The following PDE9A variants were observed in gnomAD, a reference collection of about 807,000 sequenced individuals.
The protein encoded by PDE9A is phosphodiesterase 9A, also known as high affinity cGMP-specific 3',5'-cyclic phosphodiesterase 9A.
In PDE9A, 60 loss-of-function variants were observed where a neutral mutation model predicts 87.4. The observed-to-expected ratio is 0.69, with a 90% CI of 0.56 to 0.85. The LOEUF is 0.85. Among genes scored for constraint, PDE9A ranks in the 40% least tolerant of loss-of-function variants. PDE9A has a pLI of 0.00. For missense variants in PDE9A, 665 were observed against 779.0 expected, an observed-to-expected ratio of 0.85 and a Z score of 1.74; for synonymous variants, 272 against 279.4, an observed-to-expected ratio of 0.97 and a Z score of 0.27.
intron 4 of PDE9A, among the ~76,000 whole-genome samples, chr21:42,717,988 C>T (rs991429404): frequency 6.6e-6 from 1 of 151,492 alleles, no homozygotes; most frequent in Admixed American, 6.6e-5. Context: ...GGTGCGATCT[C>T]GGCTCACTGC....
In PDE9A at chr21:42,722,678, A is replaced by T. The variant is rs1455703995; in HGVS notation, c.263-9092A>T. ...GGGGAGAAAAGTACACATTCCCATC[A>T]GCTCAGGTGCGTGGAGGACGGAAGA... On this transcript the variant is annotated intron_variant, in intron 4 of 19. Transcript: ENST00000291539. The surrounding 1 kb of genome is among the most constrained non-coding windows in gnomAD (Gnocchi z 4.1). 6.6e-6 allele frequency among the ~76,000 whole-genome samples: 1 copy of T among 152,218 alleles called. No individual in the cohort carries two copies. The highest frequency in any genetic ancestry group is 1.5e-5 in the Non-Finnish European group (1 of 68,030).
intron 19 of PDE9A, among the ~76,000 whole-genome samples, chr21:42,773,920 C>G (rs550685981): frequency 2.0e-5 from 3 of 150,716 alleles, no homozygotes; most frequent in African/African-American, 4.9e-5. Flanking sequence ...CTGGCTAACA[C>G]GGTGAAACCC....
chr21:42,690,016 G>T, intron 3 of PDE9A: 3 of 985,382 alleles, frequency 3.0e-6, no homozygotes, highest in Non-Finnish European at 3.6e-6. Context: ...GAGGATACAG[G>T]TGAAGAAGGT....
At position 42,751,125 on chromosome 21, in the gene PDE9A, C is replaced by T; in HGVS notation, c.663C>T (p.Cys221=). The stretch of plus-strand genomic sequence containing the variant: ...TGCTCCTTCTCTCTAGGACCAACTG[C>T]CCCTGTAAGTACAGTTTTTTGGATA... The part of the protein sequence containing the change: ...ELAARSSRTN[C]PCKYSFLDNH... Residue 221 remains cysteine (C), a synonymous_variant, in exon 9 of 20, where the codon TGC becomes TGT. Coordinates refer to ENST00000291539, the MANE Select transcript of PDE9A (RefSeq NM_002606.3). 1 of 1,606,332 alleles carries T rather than the reference C, an allele frequency of 6.2e-7. No individual in the cohort carries two copies. The highest frequency in any genetic ancestry group is 1.1e-5 in the South Asian group (1 of 90,946).
Position 42,696,103 on chromosome 21 carries a change from G to T in PDE9A, c.219-2865G>T, listed in dbSNP as rs544007787. 2.6e-5 allele frequency among the ~76,000 whole-genome samples: 4 copies of T among 152,324 alleles called. No individual in the cohort carries two copies. In the South Asian group the frequency reaches 8.3e-4, roughly 32 times the overall value. On this transcript the variant is annotated intron_variant, in intron 3 of 19. Transcript: ENST00000291539. The surrounding 1 kb of genome is among the most constrained non-coding windows in gnomAD (Gnocchi z 5.1). ...CTCGGAGAGGCTGGCCTCTGAATTG[G>T]TTGAATGGGCTTGAAGGGGGCTGGA... is the stretch of plus-strand genomic sequence containing the variant.
chr21:42,714,314 G>A (rs548993641), intron 4 of PDE9A, among the ~76,000 whole-genome samples: 88 of 152,284 alleles, frequency 5.8e-4, no homozygotes, highest in Non-Finnish European at 1.1e-3. Context: ...ACCACGCCCA[G>A]CCCCAACTTT....
intron 10 of PDE9A, among the ~76,000 whole-genome samples, chr21:42,754,491 G>T (rs1259511376): frequency 1.3e-5 from 2 of 152,252 alleles, no homozygotes; most frequent in African/African-American, 4.8e-5. Flanking sequence ...GTCTGCAAAG[G>T]CAAGGCACAG....
At chr21:42,750,685 C>T (rs903049339) in intron 8 of PDE9A, among the ~76,000 whole-genome samples, 5 of 152,098 alleles carry the variant, frequency 3.3e-5, no homozygotes, top group Non-Finnish European at 5.9e-5. Context: ...AAGCGATTCT[C>T]CTGCCTTAGC....
intron 10 of PDE9A, chr21:42,756,936 G>T (rs1173508059): frequency 5.9e-5 from 9 of 152,406 alleles, no homozygotes; most frequent in Admixed American, 6.5e-5. Flanking sequence ...TCCCCTCTTG[G>T]CTTCACAGCA....
At chr21:42,687,864 T>C (rs374844923) in intron 2 of PDE9A, 53 bp from the exon 3 acceptor site, 98 of 1,470,632 alleles carry the variant, frequency 6.7e-5, no homozygotes, top group Admixed American at 8.4e-5. Flanking sequence ...CATTCAAGTG[T>C]ACATCCCAGA....
chr21:42,773,854 C>T (rs1387681418), intron 19 of PDE9A, among the ~76,000 whole-genome samples: 2 of 145,012 alleles, frequency 1.4e-5, no homozygotes, highest in Non-Finnish European at 1.5e-5. Flanking sequence ...CCTGTAGTCC[C>T]AGCACTTTGG....
At chr21:42,668,681 G>A (rs1444620993) in intron 1 of PDE9A, among the ~76,000 whole-genome samples, 1 of 152,214 alleles carries the variant, frequency 6.6e-6, no homozygotes, top group Non-Finnish European at 1.5e-5. Flanking sequence ...CAAGAGTGAT[G>A]AGCACAGCAG....
intron 7 of PDE9A, among the ~76,000 whole-genome samples, chr21:42,740,269 C>T (rs939256153): frequency 6.6e-6 from 1 of 151,906 alleles, no homozygotes; most frequent in Non-Finnish European, 1.5e-5. Flanking sequence ...CATGGCAAAA[C>T]CCCATCTCTA....
chr21:42,700,354 A>G (rs912171316), intron 4 of PDE9A, among the ~76,000 whole-genome samples: 2 of 150,992 alleles, frequency 1.3e-5, no homozygotes, highest in African/African-American at 5.0e-5. Context: ...ATATTTTTAT[A>G]TATTTCATTT....
chr21:42,730,774 G>A (rs745763175), intron 4 of PDE9A, among the ~76,000 whole-genome samples: 2 of 152,146 alleles, frequency 1.3e-5, no homozygotes, highest in Non-Finnish European at 2.9e-5. Context: ...TTGGGTGGGC[G>A]TGCAGGTTGT....
Position 42,769,791 on chromosome 21 carries a change from C to T in PDE9A, c.1590+636C>T, listed in dbSNP as rs554682663. Among the ~76,000 whole-genome samples, 13 of 152,278 alleles carry T rather than the reference C, an allele frequency of 8.5e-5. No individual in the cohort carries two copies. In the South Asian group the frequency reaches 2.5e-3, roughly 29 times the overall value. On this transcript the variant is annotated intron_variant, in intron 17 of 19. Transcript: ENST00000291539. Reference sequence around the variant, plus strand: ...GCACGCACACAGGTACACACAGGCACACCTGCACACCTGCACATCCTGAGC... The same window carrying T: ...GCACGCACACAGGTACACACAGGCATACCTGCACACCTGCACATCCTGAGC...
At chr21:42,658,940 A>G (rs2057290977) in intron 1 of PDE9A, among the ~76,000 whole-genome samples, 1 of 152,042 alleles carries the variant, frequency 6.6e-6, no homozygotes, top group Non-Finnish European at 1.5e-5. Context: ...TGCCAGCCTT[A>G]TTGCTGTCCT....
chr21:42,708,597 GA>G (rs2049031062), intron 4 of PDE9A, among the ~76,000 whole-genome samples: 1 of 152,042 alleles, frequency 6.6e-6, no homozygotes, highest in South Asian at 2.1e-4. Flanking sequence ...TCTTGTTGCC[GA>G]GGCTGGAGTG....
In PDE9A at chr21:42,769,286, TACAC is replaced by T. The variant is rs550636837; in HGVS notation, c.1590+135_1590+138del. ...ACACTCATGCACACACGTACACAGA[TACAC>T]ACAGACGCACATACAGGCACATACA... On this transcript the variant is annotated intron_variant, in intron 17 of 19. Coordinates refer to ENST00000291539, the MANE Select transcript of PDE9A (RefSeq NM_002606.3). 1.9e-4 allele frequency: 145 copies of T among 782,716 alleles called. 1 individual carries two copies. The highest frequency in any genetic ancestry group is 1.1e-3 in the African/African-American group (58 of 52,888). The allele number at this position is 782,716 out of a possible 1,614,324, so 48.5% of individuals were successfully genotyped here.
Sources: gnomAD v4.1 joint callset for allele counts (sites outside exome capture counted in the v4.1 genomes callset) on GRCh38, gnomAD v4.1.1 for gene constraint, Gnocchi (gnomAD v3.1) non-coding constraint, MANE v1.5 for transcripts, NCBI Gene and HGNC (gene_info 2026-07-23, HGNC 2026-07-21) for gene names.